Variants in STK33 observed in about 807,000 individuals in gnomAD.
The protein encoded by STK33 is serine/threonine kinase 33.
STK33 carries 52 observed loss-of-function variants against 58.0 expected under a neutral mutation model. That is an observed-to-expected ratio of 0.90 (90% CI 0.72 to 1.13). STK33 has a LOEUF of 1.13. Ranked by LOEUF, STK33 falls within the 50% of genes most tolerant of loss-of-function variation. STK33 has a pLI of 0.00. For synonymous variants in STK33, 215 were observed against 200.1 expected, an observed-to-expected ratio of 1.07 and a Z score of -0.63; for missense variants, 630 against 604.2, an observed-to-expected ratio of 1.04 and a Z score of -0.45.
rs1156835375 is a variant in STK33 at position 8,455,810 on chromosome 11, C to CAAAAAAAAA, written c.698-987_698-979dup. ...TGGGTAACAGAGAGAGACTCTGTCT[C>CAAAAAAAAA]AAAAAAAAAAAAAAAAAAAAAAAAA... On this transcript the variant is annotated intron_variant, in intron 9 of 15. Coordinates refer to ENST00000687296, the MANE Select transcript of STK33 (RefSeq NM_001352389.2). Among the ~76,000 whole-genome samples, 42 of 47,120 alleles carry CAAAAAAAAA rather than the reference C, an allele frequency of 8.9e-4. 2 individuals are homozygous for CAAAAAAAAA. Among genetic ancestry groups the CAAAAAAAAA allele is most frequent in the Non-Finnish European group, 1.3e-3 (34 of 25,740 alleles). The allele number at this position is 47,120 out of a possible 152,430, so 30.9% of individuals were successfully genotyped here. A position where few individuals can be genotyped will look rare whatever the true frequency, so the allele number is the denominator to read the frequency against.
chr11:8,587,454 A>C (rs1197788334), intron 1 of STK33, among the ~76,000 whole-genome samples: 1 of 152,188 alleles, frequency 6.6e-6, no homozygotes, highest in Non-Finnish European at 1.5e-5. Flanking sequence ...AAGCTTTTCC[A>C]CACTGCACGC....
the STK33 span, among the ~76,000 whole-genome samples, chr11:8,350,774 G>C: frequency 1.3e-5 from 2 of 152,182 alleles, no homozygotes; most frequent in Non-Finnish European, 2.9e-5. Context: ...TGCAGGCAGA[G>C]AGGGGAAGAG....
chr11:8,478,930 G>A (rs1294498364), intron 2 of STK33, among the ~76,000 whole-genome samples: 1 of 152,190 alleles, frequency 6.6e-6, no homozygotes, highest in Non-Finnish European at 1.5e-5. Flanking sequence ...TTAGGAAAAT[G>A]AGTCTGTATT....
chr11:8,550,851 G>T (rs1956253034), intron 1 of STK33, among the ~76,000 whole-genome samples: 1 of 152,020 alleles, frequency 6.6e-6, no homozygotes. Context: ...CCAAACTGTT[G>T]CAACCCCTGC....
intron 1 of STK33, among the ~76,000 whole-genome samples, chr11:8,520,286 T>A (rs543960294): frequency 6.6e-6 from 1 of 152,266 alleles, no homozygotes; most frequent in Non-Finnish European, 1.5e-5. Flanking sequence ...TTTGACAAAA[T>A]TCAGCAGCCC....
intron 15 of STK33, among the ~76,000 whole-genome samples, chr11:8,396,638 C>T (rs941231806): frequency 4.6e-5 from 7 of 152,132 alleles, no homozygotes; most frequent in South Asian, 4.1e-4. Context: ...TGCAGCGCAC[C>T]GAACGTGAGC....
In STK33 at chr11:8,560,816, G is replaced by A. The variant is rs369718572; in HGVS notation, c.-466+33267C>T. Among the ~76,000 whole-genome samples the A allele has an allele frequency of 5.6e-4, 86 of 152,232 alleles. 1 individual carries two copies. In the South Asian group the frequency reaches 0.018, roughly 31 times the overall value. ...GTAGTATCATTACCTCCAAGACACA[G>A]ATGAAGATTCTACAGCTACTTATGA... On this transcript the variant is annotated intron_variant, in intron 1 of 15. Coordinates refer to ENST00000687296, the MANE Select transcript of STK33 (RefSeq NM_001352389.2).
In STK33 at chr11:8,474,862, T is replaced by G. The variant is rs371938474; in HGVS notation, c.44A>C (p.Asp15Ala). Residue 15 changes from aspartate (D) to alanine (A), a missense_variant, in exon 5 of 16, where the codon GAC (aspartate) becomes GCC (alanine). Physicochemically the swap from Asp to Ala is moderately radical, Grantham distance 126. Coordinates refer to ENST00000687296, the MANE Select transcript of STK33 (RefSeq NM_001352389.2). ...ATCTTTCTGAGAAGCAGATGAACAG[T>G]CGGGGCATTTTGTGGATTTTTTATC... The part of the protein sequence containing the change: ...GLDKKSTKCP[D>A]CSSASQKDVL... The G allele has an allele frequency of 4.5e-5, 72 of 1,597,856 alleles. No homozygotes were observed. Among genetic ancestry groups the G allele is most frequent in the Non-Finnish European group, 5.9e-5 (69 of 1,173,068 alleles).
At chr11:8,492,413 T>C (rs531234904) in intron 1 of STK33, among the ~76,000 whole-genome samples, 6 of 152,224 alleles carry the variant, frequency 3.9e-5, no homozygotes, top group Non-Finnish European at 4.4e-5. Context: ...TAATTATATA[T>C]GTACCCAATA....
In STK33 at chr11:8,474,834, T is replaced by A; in HGVS notation, c.72A>T (p.Val24=). 6.2e-7 allele frequency: 1 copy of A among 1,611,576 alleles called. No homozygotes were observed. The highest frequency in any genetic ancestry group is 8.5e-7 in the Non-Finnish European group (1 of 1,179,158). The change falls in exon 5 of 16, where the codon GTA becomes GTT. Residue 24 remains valine, a synonymous_variant. Coordinates refer to ENST00000687296, the MANE Select transcript of STK33 (RefSeq NM_001352389.2). ...PDCSSASQKD[V]LCVCSSKTRV... ...TTGTTTTGCTGGAACATACACAAAG[T>A]ACATCTTTCTGAGAAGCAGATGAAC...
intron 15 of STK33, among the ~76,000 whole-genome samples, chr11:8,395,091 A>G (rs570093518): frequency 6.6e-6 from 1 of 152,242 alleles, no homozygotes; most frequent in East Asian, 1.9e-4. Context: ...TGTCATTTCC[A>G]TTGGTTGCAG....
chr11:8,479,759 T>C (rs1460773841), intron 2 of STK33, among the ~76,000 whole-genome samples: 1 of 151,780 alleles, frequency 6.6e-6, no homozygotes, highest in Non-Finnish European at 1.5e-5. Context: ...TGGAAAATCG[T>C]TTGAACCCAG....
chr11:8,560,113 A>G (rs1397193181), intron 1 of STK33, among the ~76,000 whole-genome samples: 5 of 152,174 alleles, frequency 3.3e-5, no homozygotes, highest in African/African-American at 7.2e-5. Flanking sequence ...CCTTTTACAT[A>G]TATCTTTGTA....
chr11:8,499,206 A>C (rs1458159540), intron 1 of STK33, among the ~76,000 whole-genome samples: 9 of 152,218 alleles, frequency 5.9e-5, no homozygotes. Context: ...TAATATCTAG[A>C]ATCTACAAAG....
the STK33 span, among the ~76,000 whole-genome samples, chr11:8,342,461 C>T: frequency 6.6e-6 from 1 of 152,194 alleles, no homozygotes; most frequent in Non-Finnish European, 1.5e-5. Context: ...ACTCTGTCTT[C>T]CTTGGTGATT....
chr11:8,472,617 T>C (rs886171965), intron 6 of STK33, among the ~76,000 whole-genome samples: 10 of 152,212 alleles, frequency 6.6e-5, no homozygotes, highest in African/African-American at 2.2e-4. Context: ...ACAATTTTCT[T>C]CTTGTTGTGG....
At chr11:8,581,096 C>T (rs563240365) in intron 1 of STK33, 1 of 152,354 alleles carries the variant, frequency 6.6e-6, no homozygotes, top group East Asian at 1.9e-4. Context: ...ATTCATCCCT[C>T]CCTCTAAATT....
intron 1 of STK33, among the ~76,000 whole-genome samples, chr11:8,507,559 G>A (rs1397748462): frequency 6.6e-6 from 1 of 152,126 alleles, no homozygotes. Flanking sequence ...AAGGAGGAAG[G>A]AGGAAATATA....
chr11:8,514,188 A>G (rs547156541), intron 1 of STK33, among the ~76,000 whole-genome samples: 2 of 152,296 alleles, frequency 1.3e-5, no homozygotes, highest in East Asian at 3.9e-4. Context: ...CATTGTATAT[A>G]TGTGTCACAT....
Sources: gnomAD v4.1 joint callset for allele counts (sites outside exome capture counted in the v4.1 genomes callset) on GRCh38, gnomAD v4.1.1 for gene constraint, MANE v1.5 for transcripts, NCBI Gene and HGNC (gene_info 2026-07-23, HGNC 2026-07-21) for gene names.